OXSR1: variants seen among roughly 807,000 people sequenced by gnomAD.
OXSR1 encodes the protein serine/threonine-protein kinase OSR1.
Under a neutral mutation model 79.8 loss-of-function variants are expected in OXSR1, and 24 were observed. The ratio of observed to expected loss-of-function variants is 0.30; its 90% CI spans 0.22 to 0.42. The LOEUF is 0.42. OXSR1 is among the 10% of genes least tolerant of loss of function. The pLI is 1.00. For missense variants in OXSR1, 430 were observed against 618.4 expected (o/e 0.70, Z 3.23); for synonymous variants, 226 against 209.2 (o/e 1.08, Z -0.69).
chr3:38,184,682 C>T (rs1701846903), intron 2 of OXSR1, among the ~76,000 whole-genome samples: 1 of 152,014 alleles, frequency 6.6e-6, no homozygotes, highest in Non-Finnish European at 1.5e-5. Context: ...ATGATAATAG[C>T]AAACATCTTT....
intron 1 of OXSR1, among the ~76,000 whole-genome samples, chr3:38,174,644 G>GT (rs1701646139): frequency 1.3e-5 from 2 of 152,294 alleles, no homozygotes; most frequent in South Asian, 4.1e-4. Context: ...GGGCACAAGG[G>GT]TGGAAGGAGG....
intron 2 of OXSR1, among the ~76,000 whole-genome samples, chr3:38,184,329 G>C (rs1701839751): frequency 6.6e-6 from 1 of 152,144 alleles, no homozygotes; most frequent in Non-Finnish European, 1.5e-5. Flanking sequence ...GAATGATCTT[G>C]AGCCATCTTT....
intron 2 of OXSR1, among the ~76,000 whole-genome samples, chr3:38,185,016 T>C (rs2125810335): frequency 7.2e-6 from 1 of 139,564 alleles, no homozygotes; most frequent in East Asian, 2.4e-4. Context: ...CGATCTCGGC[T>C]CACTCTGACC....
At chr3:38,185,455 G>A (rs962446265) in intron 2 of OXSR1, among the ~76,000 whole-genome samples, 1 of 151,974 alleles carries the variant, frequency 6.6e-6, no homozygotes, top group South Asian at 2.1e-4. Context: ...ATGTGGTGGT[G>A]CACGCCTGTA....
intron 16 of OXSR1, 120 bp from the exon 17 acceptor site, chr3:38,252,208 C>G: frequency 1.3e-6 from 1 of 742,134 alleles, no homozygotes. Flanking sequence ...TTTGATCTGT[C>G]TGCTTCCATT....
At chr3:38,214,776 A>G (rs1702451123) in intron 4 of OXSR1, among the ~76,000 whole-genome samples, 1 of 152,216 alleles carries the variant, frequency 6.6e-6, no homozygotes, top group South Asian at 2.1e-4. Context: ...TACTCAGGAA[A>G]GGCATTGTAT....
At chr3:38,238,272 T>C (rs542210582) in intron 11 of OXSR1, among the ~76,000 whole-genome samples, 2 of 152,222 alleles carry the variant, frequency 1.3e-5, no homozygotes, top group African/African-American at 4.8e-5. Context: ...TAAATTGAAC[T>C]ATGTTAAGAA....
Position 38,210,991 on chromosome 3 carries a change from G to A in OXSR1, c.435-5105G>A, listed in dbSNP as rs34925019. Among the ~76,000 whole-genome samples the A allele has an allele frequency of 7.2e-5, 11 of 152,282 alleles. No homozygotes were observed. In the East Asian group the frequency reaches 2.1e-3, roughly 29 times the overall value. On this transcript the variant is annotated intron_variant, in intron 4 of 17. Coordinates refer to ENST00000311806, the MANE Select transcript of OXSR1 (RefSeq NM_005109.3). ...TATTATTACATCTTTGCCAGCAGGG[G>A]TAGTTGATAGATGCAACAAAATTCA...
At chr3:38,235,865 A>G (rs1702908527) in intron 10 of OXSR1, among the ~76,000 whole-genome samples, 1 of 152,214 alleles carries the variant, frequency 6.6e-6, no homozygotes, top group Non-Finnish European at 1.5e-5. Flanking sequence ...AATAGTGGAG[A>G]TGGTGCTTAA....
intron 11 of OXSR1, 145 bp downstream of exon 11, chr3:38,237,106 A>G (rs1235900731): frequency 3.0e-6 from 2 of 664,890 alleles, no homozygotes; most frequent in African/African-American, 1.9e-5. Flanking sequence ...TTCTGCATGG[A>G]AAGTTGGACT....
At chr3:38,173,612 T>C (rs564930535) in intron 1 of OXSR1, among the ~76,000 whole-genome samples, 3 of 152,262 alleles carry the variant, frequency 2.0e-5, no homozygotes, top group Non-Finnish European at 2.9e-5. Flanking sequence ...GCTCAGTGAA[T>C]GTTAATGTAC....
At chr3:38,168,455 T>G (rs1229483500) in intron 1 of OXSR1, among the ~76,000 whole-genome samples, 1 of 152,220 alleles carries the variant, frequency 6.6e-6, no homozygotes, top group East Asian at 1.9e-4. Context: ...TAACATGTGG[T>G]CTTTCATGTT....
At chr3:38,188,499 A>T (rs929622901) in intron 2 of OXSR1, among the ~76,000 whole-genome samples, 1 of 152,244 alleles carries the variant, frequency 6.6e-6, no homozygotes, top group Non-Finnish European at 1.5e-5. Context: ...TTAGCTGTTT[A>T]TCATTTCTCC....
intron 14 of OXSR1, 84 bp downstream of exon 14, chr3:38,247,816 G>A (rs1703174042): frequency 3.7e-6 from 3 of 813,372 alleles, no homozygotes; most frequent in Non-Finnish European, 6.1e-6. Context: ...GAGAGTAACT[G>A]GATAGGATTG....
In OXSR1 at chr3:38,230,359, C is replaced by T; in HGVS notation, c.886-6C>T. 1 of 1,573,598 alleles carries T rather than the reference C, an allele frequency of 6.4e-7. No individual in the cohort carries two copies. The highest frequency in any genetic ancestry group is 1.1e-5 in the South Asian group (1 of 88,768). On this transcript the variant is annotated splice_polypyrimidine_tract_variant and splice_region_variant and intron_variant, in intron 9 of 17. Coordinates refer to ENST00000311806, the MANE Select transcript of OXSR1 (RefSeq NM_005109.3). ...TAAGAACAAAATACTTACTTTTCCT[C>T]TCCAGAATAAAGAATTTCTTCAAGA...
chr3:38,188,461 C>T (rs1435171129), intron 2 of OXSR1, among the ~76,000 whole-genome samples: 1 of 152,154 alleles, frequency 6.6e-6, no homozygotes, highest in Non-Finnish European at 1.5e-5. Flanking sequence ...ATTAATATAA[C>T]TGTAGTACAG....
chr3:38,253,947 G>A lies in OXSR1; in HGVS notation c.*1056G>A. The stretch of plus-strand genomic sequence containing the variant: ...CAAGATGGAAAGTGAAACCACATGT[G>A]CCGTGACCTTTAGGTTTTATGAGTA... On this transcript the variant is annotated 3_prime_UTR_variant, in exon 18 of 18. Transcript: ENST00000311806. The A allele has an allele frequency of 2.8e-6, 1 of 355,720 alleles. No individual in the cohort carries two copies. The highest frequency in any genetic ancestry group is 4.0e-5 in the East Asian group (1 of 24,852). The allele number at this position is 355,720 out of a possible 1,614,324, so 22.0% of individuals were successfully genotyped here.
intron 3 of OXSR1, among the ~76,000 whole-genome samples, chr3:38,192,038 T>C (rs1207992485): frequency 1.3e-5 from 2 of 152,164 alleles, no homozygotes; most frequent in Non-Finnish European, 2.9e-5. Flanking sequence ...AAAATGTTGG[T>C]TTAGTAATCA....
intron 2 of OXSR1, among the ~76,000 whole-genome samples, chr3:38,190,524 G>T (rs565125705): frequency 1.3e-5 from 2 of 152,268 alleles, no homozygotes; most frequent in East Asian, 3.9e-4. Context: ...AAGATTACTA[G>T]TGTAATGAGT....
Sources: gnomAD v4.1 joint callset for allele counts (sites outside exome capture counted in the v4.1 genomes callset) on GRCh38, gnomAD v4.1.1 for gene constraint, MANE v1.5 for transcripts, NCBI Gene and HGNC (gene_info 2026-07-23, HGNC 2026-07-21) for gene names.